Variants in CDYL observed in about 807,000 individuals in gnomAD.
CDYL encodes the protein chromodomain Y-like protein.
A neutral mutation model predicts 47.3 loss-of-function variants in CDYL; 8 were observed. The observed-to-expected ratio is 0.17, with a 90% CI of 0.10 to 0.31. The LOEUF (loss-of-function observed/expected upper bound fraction) is 0.31. Ranked by LOEUF, CDYL falls within the 10% of genes least tolerant of loss-of-function variation. The pLI is 1.00. For missense variants in CDYL, 471 were observed against 701.4 expected, an observed-to-expected ratio of 0.67 and a Z score of 3.71; for synonymous variants, 266 against 265.0, an observed-to-expected ratio of 1.00 and a Z score of -0.04.
At chr6:4,885,885 C>T (rs1761886800) in intron 1 of CDYL, among the ~76,000 whole-genome samples, 1 of 152,128 alleles carries the variant, frequency 6.6e-6, no homozygotes, top group African/African-American at 2.4e-5. Flanking sequence ...ATCTAGTATC[C>T]ATTAGCTATC....
intron 1 of CDYL, among the ~76,000 whole-genome samples, chr6:4,791,003 C>A (rs1221271971): frequency 6.6e-6 from 1 of 152,184 alleles, no homozygotes; most frequent in African/African-American, 2.4e-5. Flanking sequence ...AAAAATTAGA[C>A]CCCAAAGGTA....
At chr6:4,725,597 G>A (rs11970273) in intron 2 of CDYL, among the ~76,000 whole-genome samples, 2,805 of 152,308 alleles carry the variant, frequency 0.018, 101 homozygotes, top group African/African-American at 0.065. Context: ...CGGGGCTTGC[G>A]GGCGGACCTG....
At chr6:4,784,740 G>A (rs1581164911) in intron 1 of CDYL, among the ~76,000 whole-genome samples, 1 of 152,252 alleles carries the variant, frequency 6.6e-6, no homozygotes, top group South Asian at 2.1e-4. Flanking sequence ...TGGTTTGGCT[G>A]TGTCCTCACC....
intron 2 of CDYL, among the ~76,000 whole-genome samples, chr6:4,898,475 T>C (rs529219672): frequency 6.6e-6 from 1 of 152,316 alleles, no homozygotes; most frequent in South Asian, 2.1e-4. Context: ...ATCTTGCTTA[T>C]TCTTTTCAAG....
chr6:4,800,900 T>C (rs1440572907), intron 1 of CDYL, among the ~76,000 whole-genome samples: 1 of 152,238 alleles, frequency 6.6e-6, no homozygotes, highest in Non-Finnish European at 1.5e-5. Context: ...GACTAAGGTG[T>C]GTCTAGAAGA....
intron 2 of CDYL, among the ~76,000 whole-genome samples, chr6:4,893,190 T>G (rs1326184261): frequency 2.0e-5 from 3 of 152,242 alleles, no homozygotes; most frequent in Non-Finnish European, 4.4e-5. Context: ...TCAGTCATTC[T>G]TGGACGAGGG....
intron 3 of CDYL, among the ~76,000 whole-genome samples, chr6:4,748,506 C>T (rs1388563507): frequency 1.3e-5 from 2 of 151,844 alleles, no homozygotes; most frequent in Admixed American, 6.6e-5. Flanking sequence ...GGAATAGGAG[C>T]AAAACAGGAG....
intron 1 of CDYL, among the ~76,000 whole-genome samples, chr6:4,848,298 C>T (rs1694104712): frequency 6.6e-6 from 1 of 152,142 alleles, no homozygotes; most frequent in African/African-American, 2.4e-5. Flanking sequence ...TCCAGTATGG[C>T]AGATTGATTC....
intron 2 of CDYL, among the ~76,000 whole-genome samples, chr6:4,728,116 A>G (rs1226916377): frequency 4.6e-5 from 7 of 152,160 alleles, no homozygotes; most frequent in African/African-American, 7.2e-5. Flanking sequence ...TCTTTCTTCA[A>G]CTAAACAGTT....
At position 4,911,373 on chromosome 6, in the gene CDYL, CACAT is replaced by C. The variant is rs1240632027; in HGVS notation, c.691+18999_691+19002del. On this transcript the variant is annotated intron_variant, in intron 2 of 6. Coordinates refer to ENST00000397588, the MANE Select transcript of CDYL (RefSeq NM_004824.4). Reference sequence around the variant, plus strand: ...ATGAGTCAGATCCACAGTGCTCTCACACATACATGCGCACAGTAGTTGCTCCGTA... The same window carrying C: ...ATGAGTCAGATCCACAGTGCTCTCACACATGCGCACAGTAGTTGCTCCGTA... 2.6e-5 allele frequency among the ~76,000 whole-genome samples: 4 copies of C among 152,332 alleles called. No individual in the cohort carries two copies. In the East Asian group the frequency reaches 7.7e-4, roughly 29 times the overall value.
At chr6:4,757,161 G>T (rs1255322605) in intron 3 of CDYL, among the ~76,000 whole-genome samples, 1 of 152,146 alleles carries the variant, frequency 6.6e-6, no homozygotes, top group African/African-American at 2.4e-5. Flanking sequence ...CTTTAGTGTT[G>T]AAATAGTTGT....
intron 3 of CDYL, among the ~76,000 whole-genome samples, chr6:4,763,056 C>G (rs923873502): frequency 2.0e-5 from 3 of 152,042 alleles, no homozygotes; most frequent in African/African-American, 7.2e-5. Flanking sequence ...AGATAGATTA[C>G]CTTCAAAGGA....
At chr6:4,904,104 C>G (rs1254096125) in intron 2 of CDYL, among the ~76,000 whole-genome samples, 1 of 152,222 alleles carries the variant, frequency 6.6e-6, no homozygotes, top group Non-Finnish European at 1.5e-5. Context: ...GTCTGCAGAC[C>G]AGAGGCCGGG....
intron 1 of CDYL, chr6:4,715,608 C>T: frequency 1.3e-6 from 1 of 783,018 alleles, no homozygotes; most frequent in Non-Finnish European, 1.9e-6. Flanking sequence ...TTATTGCTTC[C>T]TCTGCACAAG....
intron 1 of CDYL, among the ~76,000 whole-genome samples, chr6:4,813,544 C>A (rs1411716861): frequency 6.6e-6 from 1 of 152,150 alleles, no homozygotes; most frequent in African/African-American, 2.4e-5. Context: ...TCTTCTGCCA[C>A]TGATGGATTC....
At chr6:4,710,656 C>T (rs1757135318) in intron 1 of CDYL, among the ~76,000 whole-genome samples, 2 of 152,094 alleles carry the variant, frequency 1.3e-5, no homozygotes, top group Non-Finnish European at 2.9e-5. Flanking sequence ...GCCTCTGCTC[C>T]AAGGCTCATC....
chr6:4,919,830 AC>A (rs1757660475), intron 2 of CDYL, among the ~76,000 whole-genome samples: 1 of 152,236 alleles, frequency 6.6e-6, no homozygotes, highest in African/African-American at 2.4e-5. Context: ...AATTAAAATG[AC>A]CACATGATGC....
At chr6:4,894,881 A>G (rs1229180140) in intron 2 of CDYL, among the ~76,000 whole-genome samples, 26 of 140,484 alleles carry the variant, frequency 1.9e-4, no homozygotes, top group Admixed American at 2.7e-4. Flanking sequence ...ACACATGTGT[A>G]TGTGTGTGTA....
chr6:4,805,347 T>C (rs1759340477), intron 1 of CDYL, among the ~76,000 whole-genome samples: 1 of 152,088 alleles, frequency 6.6e-6, no homozygotes, highest in South Asian at 2.1e-4. Context: ...TAGAAAGAAA[T>C]GTTAGAACTC....
Sources: allele counts gnomAD v4.1 joint callset (sites outside exome capture counted in the v4.1 genomes callset), GRCh38; gene constraint gnomAD v4.1.1; transcripts MANE v1.5; gene names NCBI Gene and HGNC (gene_info 2026-07-23, HGNC 2026-07-21).